Variants in UBE2H observed in about 807,000 individuals in gnomAD.
UBE2H encodes ubiquitin conjugating enzyme E2 H.
Under a neutral mutation model 29.0 loss-of-function variants are expected in UBE2H, and 3 were observed. The observed-to-expected ratio is 0.10, with a 90% CI of 0.05 to 0.27. The LOEUF is 0.27. UBE2H is among the 10% of genes least tolerant of loss of function. The pLI is 1.00. For missense variants in UBE2H, 68 were observed against 228.2 expected (o/e 0.30, Z 4.52); for synonymous variants, 69 against 82.9 (o/e 0.83, Z 0.91).
chr7:129,888,993 A>G (rs1480726151), intron 1 of UBE2H, among the ~76,000 whole-genome samples: 1 of 152,234 alleles, frequency 6.6e-6, no homozygotes, highest in Non-Finnish European at 1.5e-5. Context: ...TGATTTGGAC[A>G]TGTCGAGGTG....
chr7:129,853,652 G>A (rs1805648217), intron 5 of UBE2H, among the ~76,000 whole-genome samples: 1 of 152,158 alleles, frequency 6.6e-6, no homozygotes, highest in South Asian at 2.1e-4. Flanking sequence ...TTTGAACTCT[G>A]AATAAACAAA....
At chr7:129,852,048 G>C (rs138263225) in intron 5 of UBE2H, among the ~76,000 whole-genome samples, 2 of 152,180 alleles carry the variant, frequency 1.3e-5, no homozygotes, top group Non-Finnish European at 2.9e-5. Flanking sequence ...GATGACGTTT[G>C]TGATTCAACA....
chr7:129,850,892 A>T (rs543844318), intron 5 of UBE2H, among the ~76,000 whole-genome samples: 161 of 151,770 alleles, frequency 1.1e-3, no homozygotes, highest in African/African-American at 3.5e-3. Flanking sequence ...GAGAAAGGAG[A>T]GAGAGAGAAA....
At chr7:129,908,518 G>GT (rs1456648091) in intron 1 of UBE2H, among the ~76,000 whole-genome samples, 2 of 152,128 alleles carry the variant, frequency 1.3e-5, no homozygotes, top group Admixed American at 6.6e-5. Context: ...AACAACTTTA[G>GT]TTTCAAAAAC....
At position 129,835,120 on chromosome 7, in the gene UBE2H, G is replaced by A. The variant is rs1805298297; in HGVS notation, c.428-59C>T. 6.8e-6 allele frequency: 11 copies of A among 1,606,780 alleles called. No homozygotes were observed. In the East Asian group the frequency reaches 8.9e-5, roughly 13 times the overall value. ...TGAGTGGGCAGGCATGTGCTTTGGC[G>A]ACCCCAAAAAGCTGGCAAGGCTGCG... On this transcript the variant is annotated intron_variant, in intron 6 of 6. Transcript: ENST00000355621.
rs144912378 is a variant in UBE2H, at chr7:129,838,428, C to A, written c.427+779G>T. Among the ~76,000 whole-genome samples, 12 of 152,314 alleles carry A rather than the reference C, an allele frequency of 7.9e-5. No homozygotes were observed. The East Asian group carries it at 2.3e-3, about 29-fold the overall frequency. ...AGGCCACACATTTTGAGGAAGCAAA[C>A]ATTCTGGACTGCTATGCAGATAGGC... On this transcript the variant is annotated intron_variant, in intron 6 of 6. Transcript: ENST00000355621.
chr7:129,908,595 A>T (rs774891527), intron 1 of UBE2H, among the ~76,000 whole-genome samples: 1 of 152,242 alleles, frequency 6.6e-6, no homozygotes, highest in Non-Finnish European at 1.5e-5. Context: ...GTAGATTACT[A>T]AGCAGTCAGT....
intron 1 of UBE2H, among the ~76,000 whole-genome samples, chr7:129,920,394 C>T (rs569579112): frequency 5.3e-5 from 8 of 151,832 alleles, no homozygotes; most frequent in African/African-American, 1.4e-4. Context: ...CTGTATATAA[C>T]GGTGAAAAAC....
intron 1 of UBE2H, among the ~76,000 whole-genome samples, chr7:129,950,852 T>C (rs1807860422): frequency 6.6e-6 from 1 of 152,222 alleles, no homozygotes; most frequent in Non-Finnish European, 1.5e-5. Flanking sequence ...ACTGGTATCA[T>C]TCACACATTT....
At chr7:129,944,965 T>C (rs1243771540) in intron 1 of UBE2H, among the ~76,000 whole-genome samples, 2 of 150,868 alleles carry the variant, frequency 1.3e-5, no homozygotes, top group East Asian at 3.9e-4. Flanking sequence ...AAAAAAAAAA[T>C]GAACTAAATA....
chr7:129,930,918 A>AAAAC (rs1807379402), intron 1 of UBE2H, among the ~76,000 whole-genome samples: 1 of 144,112 alleles, frequency 6.9e-6, no homozygotes, highest in Admixed American at 7.1e-5. Context: ...ACAAAAAAAA[A>AAAAC]AAAAAAAAAA....
At chr7:129,914,329 G>A (rs151101284) in intron 1 of UBE2H, among the ~76,000 whole-genome samples, 9,383 of 152,124 alleles carry the variant, frequency 0.062, 362 homozygotes, top group Non-Finnish European at 0.091. Context: ...CACCATGCCT[G>A]GCTAACTTTT....
intron 1 of UBE2H, among the ~76,000 whole-genome samples, chr7:129,931,302 T>C (rs1330816236): frequency 6.6e-6 from 1 of 151,354 alleles, no homozygotes; most frequent in African/African-American, 2.4e-5. Context: ...GCAGGAGAAT[T>C]GCCTGAACCC....
chr7:129,866,648 T>C (rs1487872719), intron 3 of UBE2H, among the ~76,000 whole-genome samples: 2 of 152,162 alleles, frequency 1.3e-5, no homozygotes, highest in Non-Finnish European at 2.9e-5. Flanking sequence ...GTGACAGATA[T>C]CCCAATTACC....
chr7:129,872,981 A>G (rs1407979483), intron 3 of UBE2H, among the ~76,000 whole-genome samples: 1 of 150,834 alleles, frequency 6.6e-6, no homozygotes, highest in African/African-American at 2.4e-5. Flanking sequence ...CCATCCTGAT[A>G]GTTTGACCCA....
At chr7:129,941,986 G>A (rs1807654727) in intron 1 of UBE2H, among the ~76,000 whole-genome samples, 1 of 152,068 alleles carries the variant, frequency 6.6e-6, no homozygotes, top group Non-Finnish European at 1.5e-5. Flanking sequence ...AAGGCAGCCA[G>A]ACCGCTTGAG....
chr7:129,948,421 C>T (rs1254404916), intron 1 of UBE2H, among the ~76,000 whole-genome samples: 2 of 152,170 alleles, frequency 1.3e-5, no homozygotes, highest in East Asian at 1.9e-4. Flanking sequence ...TGTAAGACAC[C>T]GTCCCTTTCT....
rs936272758 is a variant in UBE2H, at chr7:129,839,085, T to C, written c.427+122A>G. On this transcript the variant is annotated intron_variant, in intron 6 of 6. Transcript: ENST00000355621. The stretch of plus-strand genomic sequence containing the variant: ...GGTGAGCACTACTTCAGCCCACAGC[T>C]GTCTCTTTTTAGGCCTAAGAAAAAG... 4 of 1,436,128 alleles carry C rather than the reference T, an allele frequency of 2.8e-6. No individual in the cohort carries two copies. The Admixed American group carries it at 9.6e-5, about 35-fold the overall frequency. 89.0% of individuals were successfully genotyped at this position (1,436,128 alleles called of 1,614,324 possible).
chr7:129,917,164 G>C lies in UBE2H; in HGVS notation c.53+35339C>G, dbSNP rs190276516. ...AGCCGAGATCGTGCCACTGCACTCC[G>C]GCCTGGCAACAAAGCGAGACTCCGT... On this transcript the variant is annotated intron_variant, in intron 1 of 6. Coordinates refer to ENST00000355621, the MANE Select transcript of UBE2H (RefSeq NM_003344.4). 1.0e-3 allele frequency among the ~76,000 whole-genome samples: 154 copies of C among 152,134 alleles called. 2 individuals carry two copies. In the Middle Eastern group the frequency reaches 0.01, roughly 10 times the overall value.
Sources: gnomAD v4.1 joint callset for allele counts (sites outside exome capture counted in the v4.1 genomes callset) on GRCh38, gnomAD v4.1.1 for gene constraint, MANE v1.5 for transcripts, NCBI Gene and HGNC (gene_info 2026-07-23, HGNC 2026-07-21) for gene names.